Variants in HSPBAP1 observed in about 807,000 individuals in gnomAD.
The protein encoded by HSPBAP1 is HSPB1 associated protein 1.
Under a neutral mutation model 45.2 loss-of-function variants are expected in HSPBAP1, and 27 were observed. The ratio of observed to expected loss-of-function variants is 0.60; its 90% CI spans 0.44 to 0.82. HSPBAP1 has a LOEUF of 0.82. HSPBAP1 is among the 40% of genes least tolerant of loss of function. The probability of loss-of-function intolerance (pLI) is 0.00; values close to 1 mark genes in which losing one functional copy is unlikely to be tolerated. For missense variants in HSPBAP1, 510 were observed against 590.9 expected (o/e 0.86, Z 1.42); for synonymous variants, 204 against 202.7 (o/e 1.01, Z -0.06).
chr3:122,741,286 C>T (rs1377723975), intron 6 of HSPBAP1, 173 bp from the exon 7 acceptor site: 4 of 593,856 alleles, frequency 6.7e-6, no homozygotes, highest in Non-Finnish European at 1.2e-5. Context: ...TATCACCTGC[C>T]ATCTAGAAGA....
intron 6 of HSPBAP1, among the ~76,000 whole-genome samples, chr3:122,750,103 T>A (rs1011524171): frequency 6.6e-6 from 1 of 151,270 alleles, no homozygotes; most frequent in Non-Finnish European, 1.5e-5. Flanking sequence ...GCCTCCCGAA[T>A]AGCCGGGATT....
At chr3:122,790,003 C>T (rs2107546135) in intron 1 of HSPBAP1, among the ~76,000 whole-genome samples, 2 of 152,118 alleles carry the variant, frequency 1.3e-5, no homozygotes, top group East Asian at 3.9e-4. Context: ...GCTGGAACTA[C>T]AAGCGTGTGC....
rs553849533 is a variant in HSPBAP1 at position 122,785,621 on chromosome 3, C to A, written c.65-7715G>T. Among the ~76,000 whole-genome samples the A allele has an allele frequency of 1.2e-3, 179 of 152,300 alleles. 2 individuals carry two copies. The South Asian group carries it at 0.036, about 31-fold the overall frequency. On this transcript the variant is annotated intron_variant, in intron 1 of 7. Coordinates refer to ENST00000306103, the MANE Select transcript of HSPBAP1 (RefSeq NM_024610.6). ...CTTTGGAGTTGGGCCCAATCTCTCT[C>A]CCCAGCTGTGGGACCCCGTTACAGT...
intron 1 of HSPBAP1, among the ~76,000 whole-genome samples, chr3:122,780,875 C>T (rs200671601): frequency 0.27 from 19,651 of 73,930 alleles, 1,782 homozygotes; most frequent in Non-Finnish European, 0.36. Context: ...ACCTCCCAGA[C>T]GGGGTCGCGG....
intron 1 of HSPBAP1, among the ~76,000 whole-genome samples, chr3:122,784,871 A>G (rs1169948090): frequency 2.0e-5 from 3 of 152,234 alleles, no homozygotes; most frequent in Admixed American, 6.5e-5. Flanking sequence ...TAACTGTTTA[A>G]TGCTTCACTG....
chr3:122,747,664 C>T (rs1165191651), intron 6 of HSPBAP1, among the ~76,000 whole-genome samples: 10 of 146,324 alleles, frequency 6.8e-5, no homozygotes, highest in African/African-American at 2.0e-4. Context: ...CCAGCCGCCC[C>T]GTCCGGGAGG....
intron 4 of HSPBAP1, among the ~76,000 whole-genome samples, chr3:122,756,060 A>T (rs1352667259): frequency 6.6e-6 from 1 of 152,234 alleles, no homozygotes; most frequent in East Asian, 1.9e-4. Context: ...ATTCTAACTC[A>T]CAAAACACTA....
At chr3:122,779,984 G>T (rs1935355296) in intron 1 of HSPBAP1, among the ~76,000 whole-genome samples, 1 of 151,662 alleles carries the variant, frequency 6.6e-6, no homozygotes, top group South Asian at 2.1e-4. Context: ...CCACAAAACC[G>T]CCATTGTCAT....
intron 6 of HSPBAP1, among the ~76,000 whole-genome samples, chr3:122,746,108 A>G (rs964537951): frequency 6.6e-6 from 1 of 152,174 alleles, no homozygotes; most frequent in Non-Finnish European, 1.5e-5. Context: ...ATACTACTGT[A>G]TTTAGGAATA....
At chr3:122,786,302 C>T (rs1935655929) in intron 1 of HSPBAP1, 1 of 152,112 alleles carries the variant, frequency 6.6e-6, no homozygotes, top group Admixed American at 6.5e-5. Flanking sequence ...CAGTTCCAAG[C>T]TTGTAAAATA....
intron 3 of HSPBAP1, 71 bp from the exon 4 acceptor site, chr3:122,759,431 C>T: frequency 7.0e-7 from 1 of 1,429,952 alleles, no homozygotes; most frequent in South Asian, 1.2e-5. Context: ...TGCCCATTTT[C>T]ACTTGCACAT....
intron 3 of HSPBAP1, among the ~76,000 whole-genome samples, chr3:122,765,640 T>G (rs565828087): frequency 1.3e-5 from 2 of 151,376 alleles, no homozygotes; most frequent in East Asian, 3.9e-4. Context: ...GAAAGCTTCC[T>G]AACACTATTT....
intron 5 of HSPBAP1, chr3:122,754,419 T>C (rs1934267368): frequency 5.7e-5 from 25 of 441,052 alleles, no homozygotes; most frequent in Non-Finnish European, 7.2e-5. Context: ...CTGTGTGAAA[T>C]GTCCAGAATG....
chr3:122,786,626 T>C (rs1935665443), intron 1 of HSPBAP1: 1 of 152,210 alleles, frequency 6.6e-6, no homozygotes, highest in Non-Finnish European at 1.5e-5. Flanking sequence ...ATCCCACACA[T>C]CCCAGAGATT....
At chr3:122,791,824 G>C (rs1450029672) in intron 1 of HSPBAP1, among the ~76,000 whole-genome samples, 2 of 152,140 alleles carry the variant, frequency 1.3e-5, no homozygotes, top group Admixed American at 1.3e-4. Flanking sequence ...TTAAGAATCT[G>C]GGTTTTATTC....
chr3:122,786,296 T>C (rs550493093), intron 1 of HSPBAP1: 2 of 152,336 alleles, frequency 1.3e-5, no homozygotes, highest in African/African-American at 4.8e-5. Context: ...TTCTTTCAGT[T>C]CCAAGCTTGT....
chr3:122,741,534 CT>C (rs1319124999), intron 6 of HSPBAP1: 5 of 172,534 alleles, frequency 2.9e-5, no homozygotes, highest in Non-Finnish European at 6.3e-5. Context: ...AATGAGATGG[CT>C]ATCCATCTAA....
intron 6 of HSPBAP1, among the ~76,000 whole-genome samples, chr3:122,744,253 GA>G: frequency 6.6e-6 from 1 of 152,228 alleles, no homozygotes; most frequent in South Asian, 2.1e-4. Context: ...TGAAAAAGAT[GA>G]AAAGGCACCA....
At chr3:122,782,869 G>C (rs1006339980) in intron 1 of HSPBAP1, among the ~76,000 whole-genome samples, 1 of 152,198 alleles carries the variant, frequency 6.6e-6, no homozygotes, top group Non-Finnish European at 1.5e-5. Context: ...TAAAGGTAAG[G>C]CTTGTTTTTA....
Sources: gnomAD v4.1 joint callset for allele counts (sites outside exome capture counted in the v4.1 genomes callset) on GRCh38, gnomAD v4.1.1 for gene constraint, MANE v1.5 for transcripts, NCBI Gene and HGNC (gene_info 2026-07-23, HGNC 2026-07-21) for gene names.